The following CACNA1C variants were observed in gnomAD, a reference collection of about 807,000 sequenced individuals.
CACNA1C encodes calcium voltage-gated channel subunit alpha1 C.
In CACNA1C, 30 loss-of-function variants were observed where a neutral mutation model predicts 229.0. That is an observed-to-expected ratio of 0.13 (90% confidence interval 0.10 to 0.18). The LOEUF is 0.18. Among genes scored for constraint, CACNA1C ranks in the 10% least tolerant of loss-of-function variants. The pLI is 1.00. For missense variants in CACNA1C, 1,658 were observed against 2,845.0 expected (o/e 0.58, Z 9.49); for synonymous variants, 1,114 against 1,132.5 (o/e 0.98, Z 0.33).
At chr12:2,217,533 A>T (rs2060284692) in intron 3 of CACNA1C, 1 of 152,264 alleles carries the variant, frequency 6.6e-6, no homozygotes, top group South Asian at 2.1e-4. Context: ...CAAAATTACC[A>T]CTTGATATCT....
intron 1 of CACNA1C, among the ~76,000 whole-genome samples, chr12:1,997,430 G>A (rs1431549990): frequency 6.6e-6 from 1 of 152,218 alleles, no homozygotes; most frequent in African/African-American, 2.4e-5. Context: ...TGAGGCAGGA[G>A]AATCACTTGA....
In CACNA1C at chr12:2,215,466, A is replaced by T. The variant is rs1043583203; in HGVS notation, c.477+95036A>T. Among the ~76,000 whole-genome samples the T allele has an allele frequency of 1.3e-5, 2 of 151,846 alleles. No homozygotes were observed. The highest frequency in any genetic ancestry group is 4.8e-5 in the African/African-American group (2 of 41,324). On this transcript the variant is annotated intron_variant, in intron 3 of 46. Coordinates refer to ENST00000399655, the MANE Select transcript of CACNA1C (RefSeq NM_000719.7). The surrounding 1 kb of genome is among the most constrained non-coding windows in gnomAD (Gnocchi z 5.0). Reference sequence around the variant, plus strand: ...GGTGGGATGCGCTCTCCCTCCTCCTAGGCTTGGTTCCTCTCCTTCCTCGGG... The same window carrying T: ...GGTGGGATGCGCTCTCCCTCCTCCTTGGCTTGGTTCCTCTCCTTCCTCGGG...
At chr12:2,413,412 C>T (rs570436298) in intron 3 of CACNA1C, among the ~76,000 whole-genome samples, 3 of 152,106 alleles carry the variant, frequency 2.0e-5, no homozygotes, top group Non-Finnish European at 4.4e-5. Context: ...TAGGCCCCCT[C>T]CCCCAACACT....
At chr12:2,568,114 T>C (rs1455765205) in intron 13 of CACNA1C, among the ~76,000 whole-genome samples, 1 of 152,148 alleles carries the variant, frequency 6.6e-6, no homozygotes, top group African/African-American at 2.4e-5. Flanking sequence ...TCTCCTGTGC[T>C]TCACCAGCCT....
rs767550168 is a variant in CACNA1C at position 2,679,596 on chromosome 12, G to T, written c.5244G>T (p.Leu1748=). Residue 1748 remains leucine (L), a synonymous_variant, in exon 42 of 47, where the codon CTG becomes CTT. Coordinates refer to ENST00000399655, the MANE Select transcript of CACNA1C (RefSeq NM_000719.7). This position sits in a 1 kb window ranked among gnomAD's most constrained non-coding sequence, Gnocchi z 5.5. The stretch of plus-strand genomic sequence containing the variant: ...CTGAGTCGCCATCCCACGAGAAGCT[G>T]GTGGACTCCACCTTCACCCCGAGCA... The part of the protein sequence containing the change: ...GDTESPSHEK[L]VDSTFTPSSY... 8.1e-6 allele frequency: 13 copies of T among 1,613,660 alleles called. No individual in the cohort carries two copies. In the South Asian group the frequency reaches 1.4e-4, roughly 18 times the overall value.
chr12:2,476,580 A>C (rs998485681), intron 5 of CACNA1C, among the ~76,000 whole-genome samples: 3 of 152,214 alleles, frequency 2.0e-5, no homozygotes, highest in African/African-American at 7.2e-5. Flanking sequence ...CTTTCACCAT[A>C]TGCAGTTTTC....
At chr12:2,525,691 C>T (rs1023221442) in intron 9 of CACNA1C, among the ~76,000 whole-genome samples, 8 of 152,170 alleles carry the variant, frequency 5.3e-5, no homozygotes, top group Non-Finnish European at 1.2e-4. Context: ...GGGAAAAAGT[C>T]GAGTAACAAC....
intron 10 of CACNA1C, among the ~76,000 whole-genome samples, chr12:2,554,822 C>A (rs2154592448): frequency 6.6e-6 from 1 of 152,322 alleles, no homozygotes; most frequent in South Asian, 2.1e-4. Flanking sequence ...GGCCTCCAGA[C>A]AAAAGCCGCT....
chr12:2,096,291 T>G (rs1173855662), intron 1 of CACNA1C, among the ~76,000 whole-genome samples: 1 of 152,232 alleles, frequency 6.6e-6, no homozygotes. Flanking sequence ...TTGAAAACAA[T>G]TTATGACCAG....
rs2053674732 is a variant in CACNA1C, at chr12:2,054,276, C to A, written c.49+665C>A. 6.6e-6 allele frequency among the ~76,000 whole-genome samples: 1 copy of A among 152,182 alleles called. No individual in the cohort carries two copies. Among genetic ancestry groups the A allele is most frequent in the Admixed American group, 6.5e-5 (1 of 15,286 alleles). On this transcript the variant is annotated intron_variant, in intron 1 of 46. Transcript: ENST00000399655. The surrounding 1 kb of genome is among the most constrained non-coding windows in gnomAD (Gnocchi z 5.5). ...CCTCCGCCGCTCACCTACACCCACC[C>A]ACCTCTCCACTGCTGTTGACCCCGA...
At position 2,211,714 on chromosome 12, in the gene CACNA1C, C is replaced by CTTT. The variant is rs5795996; in HGVS notation, c.477+91303_477+91305dup. ...CTTTCACCTGTTACTCTTTCTGCTG[C>CTTT]TTTTTTTTTTTTTTTTTTTTTGAGA... On this transcript the variant is annotated intron_variant, in intron 3 of 46. Coordinates refer to ENST00000399655, the MANE Select transcript of CACNA1C (RefSeq NM_000719.7). 5.7e-4 allele frequency among the ~76,000 whole-genome samples: 66 copies of CTTT among 115,444 alleles called. 1 individual carries two copies. Among genetic ancestry groups the CTTT allele is most frequent in the Non-Finnish European group, 7.0e-4 (41 of 58,762 alleles). The allele number at this position is 115,444 out of a possible 152,430, so 75.7% of individuals were successfully genotyped here.
intron 1 of CACNA1C, among the ~76,000 whole-genome samples, chr12:1,983,843 TA>T (rs563139361): frequency 3.4e-5 from 5 of 148,290 alleles, no homozygotes; most frequent in East Asian, 2.0e-4. Flanking sequence ...ACTGCAGAAT[TA>T]AAAAAAAAAC....
At chr12:2,388,519 G>A (rs2098433971) in intron 3 of CACNA1C, among the ~76,000 whole-genome samples, 1 of 152,262 alleles carries the variant, frequency 6.6e-6, no homozygotes, top group Non-Finnish European at 1.5e-5. Context: ...TGATGGAGGT[G>A]AGGGAAGTAT....
At chr12:2,234,952 T>C (rs959217910) in intron 3 of CACNA1C, among the ~76,000 whole-genome samples, 5 of 152,070 alleles carry the variant, frequency 3.3e-5, no homozygotes, top group South Asian at 2.1e-4. Flanking sequence ...ACCCTTTCCA[T>C]GGGTGAGGTT....
At chr12:2,661,922 T>C (rs1202370844) in intron 34 of CACNA1C, among the ~76,000 whole-genome samples, 2 of 152,234 alleles carry the variant, frequency 1.3e-5, no homozygotes, top group Admixed American at 1.3e-4. Flanking sequence ...TTCAATGTTA[T>C]TATTTTGTAA....
intron 1 of CACNA1C, among the ~76,000 whole-genome samples, chr12:2,037,019 C>T (rs1409740534): frequency 6.6e-6 from 1 of 152,196 alleles, no homozygotes; most frequent in Non-Finnish European, 1.5e-5. Context: ...TTCTTGTCTG[C>T]TTACTTTGCT....
At chr12:2,233,512 G>C (rs917329548) in intron 3 of CACNA1C, among the ~76,000 whole-genome samples, 13 of 152,128 alleles carry the variant, frequency 8.5e-5, no homozygotes, top group African/African-American at 3.1e-4. Context: ...ATCTCAGATT[G>C]TTCAGCATTC....
chr12:1,982,295 G>C (rs187642363), intron 1 of CACNA1C, among the ~76,000 whole-genome samples: 1 of 152,022 alleles, frequency 6.6e-6, no homozygotes, highest in Non-Finnish European at 1.5e-5. Context: ...ACAATATTGT[G>C]CAACCATCAC....
chr12:2,545,755 A>G (rs868101949), intron 9 of CACNA1C, among the ~76,000 whole-genome samples: 1 of 152,220 alleles, frequency 6.6e-6, no homozygotes, highest in Admixed American at 6.5e-5. Flanking sequence ...TTTTGCACCA[A>G]CCTAACTTGT....
Sources: gnomAD v4.1 joint callset for allele counts (sites outside exome capture counted in the v4.1 genomes callset) on GRCh38, gnomAD v4.1.1 for gene constraint, Gnocchi (gnomAD v3.1) non-coding constraint, MANE v1.5 for transcripts, NCBI Gene and HGNC (gene_info 2026-07-23, HGNC 2026-07-21) for gene names.